Variants in RARB observed in about 807,000 individuals in gnomAD.
The protein encoded by RARB is retinoic acid receptor beta.
In RARB, 17 loss-of-function variants were observed where a neutral mutation model predicts 51.9. The ratio of observed to expected loss-of-function variants is 0.33; its 90% CI spans 0.22 to 0.49. The LOEUF is 0.49. Among genes scored for constraint, RARB ranks in the 20% least tolerant of loss-of-function variants. The pLI is 0.99. For synonymous variants in RARB, 215 were observed against 195.4 expected, an observed-to-expected ratio of 1.10 and a Z score of -0.84; for missense variants, 369 against 550.8, an observed-to-expected ratio of 0.67 and a Z score of 3.30.
intron 3 of RARB, among the ~76,000 whole-genome samples, chr3:25,118,821 A>G (rs1699732866): frequency 6.6e-6 from 1 of 152,160 alleles, no homozygotes; most frequent in African/African-American, 2.4e-5. Context: ...ATTATAATAC[A>G]GACAAATGGG....
intron 3 of RARB, among the ~76,000 whole-genome samples, chr3:25,115,157 A>G (rs1427932565): frequency 6.6e-6 from 1 of 152,198 alleles, no homozygotes; most frequent in Admixed American, 6.5e-5. Flanking sequence ...TGCTAGCTCC[A>G]GGTCCCCAGA....
intron 2 of RARB, among the ~76,000 whole-genome samples, chr3:24,941,012 T>G (rs1168908227): frequency 6.6e-6 from 1 of 152,172 alleles, no homozygotes; most frequent in East Asian, 1.9e-4. Flanking sequence ...TTGAATCGTT[T>G]ACCATCCTAT....
intron 2 of RARB, among the ~76,000 whole-genome samples, chr3:25,017,235 A>G (rs1697530520): frequency 7.0e-6 from 1 of 143,736 alleles, no homozygotes; most frequent in Admixed American, 6.9e-5. Context: ...CAGAACCTAA[A>G]CCCCCAAATC....
At chr3:25,369,375 G>C (rs1706231016) in intron 5 of RARB, among the ~76,000 whole-genome samples, 1 of 152,106 alleles carries the variant, frequency 6.6e-6, no homozygotes, top group South Asian at 2.1e-4. Context: ...CCATGTGCCA[G>C]GCACTATTCA....
chr3:25,385,147 T>C (rs1251394074), intron 5 of RARB, among the ~76,000 whole-genome samples: 1 of 152,232 alleles, frequency 6.6e-6, no homozygotes, highest in African/African-American at 2.4e-5. Context: ...CCATATATTC[T>C]AGTCACATAG....
At chr3:25,446,097 A>G (rs539762235) in intron 1 of RARB, among the ~76,000 whole-genome samples, 65 of 152,352 alleles carry the variant, frequency 4.3e-4, no homozygotes, top group African/African-American at 1.4e-3. Flanking sequence ...CTCCCTAACT[A>G]ATAAAAATGT....
rs561498027 is a variant in RARB at position 24,886,333 on chromosome 3, A to C, written c.-380+27581A>C. ...GTCCCTGACAGTGTGAGGCACCCAC[A>C]GATGGTTGTTCAGTTGAGCTGGCTC... On this transcript the variant is annotated intron_variant, in intron 2 of 11. Coordinates refer to the RARB transcript ENST00000383772. 1.8e-4 allele frequency among the ~76,000 whole-genome samples: 28 copies of C among 152,322 alleles called. No homozygotes were observed. In the East Asian group the frequency reaches 4.8e-3, roughly 26 times the overall value.
chr3:25,002,572 A>G (rs1697185109), intron 2 of RARB, among the ~76,000 whole-genome samples: 1 of 152,164 alleles, frequency 6.6e-6, no homozygotes, highest in Non-Finnish European at 1.5e-5. Context: ...TTTATAGAAA[A>G]TAGAGTTGCG....
At chr3:24,880,064 A>G (rs1703129208) in intron 2 of RARB, among the ~76,000 whole-genome samples, 1 of 152,118 alleles carries the variant, frequency 6.6e-6, no homozygotes, top group South Asian at 2.1e-4. Context: ...GGTTTTTGAT[A>G]CATTTTTTCC....
chr3:24,895,669 T>C (rs1575059270), intron 2 of RARB, among the ~76,000 whole-genome samples: 1 of 151,844 alleles, frequency 6.6e-6, no homozygotes, highest in African/African-American at 2.4e-5. Context: ...GCTGGGTCTT[T>C]AAAAAGAGAC....
intron 2 of RARB, among the ~76,000 whole-genome samples, chr3:24,966,973 G>A (rs564744748): frequency 5.9e-5 from 9 of 152,078 alleles, no homozygotes; most frequent in Non-Finnish European, 1.2e-4. Context: ...TTCTATCATG[G>A]AAGTCACAAA....
At chr3:25,399,404 T>C (rs1438321793) in intron 5 of RARB, among the ~76,000 whole-genome samples, 2 of 152,178 alleles carry the variant, frequency 1.3e-5, no homozygotes, top group African/African-American at 4.8e-5. Flanking sequence ...CACCTAGATG[T>C]AAAGACAGTC....
At chr3:25,197,857 G>A (rs890715530) in intron 5 of RARB, among the ~76,000 whole-genome samples, 3 of 151,930 alleles carry the variant, frequency 2.0e-5, no homozygotes, top group South Asian at 2.1e-4. Flanking sequence ...TTCATACTAC[G>A]CGAAGCAATC....
At chr3:25,386,926 G>C (rs1345061962) in intron 5 of RARB, among the ~76,000 whole-genome samples, 1 of 152,282 alleles carries the variant, frequency 6.6e-6, no homozygotes, top group South Asian at 2.1e-4. Flanking sequence ...TTCATTCTGT[G>C]GGCGTAGGCA....
intron 3 of RARB, among the ~76,000 whole-genome samples, chr3:25,509,666 T>C (rs953690238): frequency 1.6e-4 from 24 of 152,176 alleles, no homozygotes; most frequent in African/African-American, 5.8e-4. Flanking sequence ...GAGAGTATCC[T>C]GGTATCCTGG....
At chr3:25,559,071 C>T (rs1360650516) in intron 3 of RARB, among the ~76,000 whole-genome samples, 1 of 152,080 alleles carries the variant, frequency 6.6e-6, no homozygotes, top group Non-Finnish European at 1.5e-5. Flanking sequence ...TTTTCCTCCC[C>T]TTTTGGCCTC....
intron 5 of RARB, among the ~76,000 whole-genome samples, chr3:25,213,445 C>T (rs915068276): frequency 6.6e-6 from 1 of 152,148 alleles, no homozygotes; most frequent in Admixed American, 6.6e-5. Context: ...GAATATACCA[C>T]ATCTCATTTA....
intron 2 of RARB, among the ~76,000 whole-genome samples, chr3:25,464,354 A>C (rs1467808594): frequency 1.3e-5 from 2 of 152,232 alleles, no homozygotes; most frequent in South Asian, 2.1e-4. Context: ...GAAAAACCCC[A>C]ATAAAAACAA....
chr3:25,581,635 T>C (rs1209579104), intron 5 of RARB, among the ~76,000 whole-genome samples: 2 of 152,216 alleles, frequency 1.3e-5, no homozygotes, highest in African/African-American at 4.8e-5. Flanking sequence ...ATGTATATGT[T>C]GAAGCCTTAA....
Sources: gnomAD v4.1 joint callset for allele counts (sites outside exome capture counted in the v4.1 genomes callset) on GRCh38, gnomAD v4.1.1 for gene constraint, MANE v1.5 for transcripts, NCBI Gene and HGNC (gene_info 2026-07-23, HGNC 2026-07-21) for gene names.